Variants in USP40 observed in about 807,000 individuals in gnomAD.
USP40 encodes ubiquitin specific peptidase 40.
USP40 carries 143 observed loss-of-function variants against 166.2 expected under a neutral mutation model. That is an observed-to-expected ratio of 0.86 (90% confidence interval 0.75 to 0.99). The LOEUF (loss-of-function observed/expected upper bound fraction) is 0.99, where lower values mean the gene tolerates loss of function less well. USP40 is among the 50% of genes least tolerant of loss of function. The pLI is 0.00. For missense variants in USP40, 1,444 were observed against 1,479.7 expected (o/e 0.98, Z 0.40); for synonymous variants, 498 against 524.0 (o/e 0.95, Z 0.68).
Position 233,477,378 on chromosome 2 carries a change from G to A in USP40, c.*14C>T, listed in dbSNP as rs763854294. On this transcript the variant is annotated 3_prime_UTR_variant, in exon 32 of 32. Transcript: ENST00000678225. ...CGGAGAGTTCATCGGGAGTAGAGCCGTGCAGCGGCGCGGTTATCTGAAGCT... is the reference window on the plus strand; with the variant it reads ...CGGAGAGTTCATCGGGAGTAGAGCCATGCAGCGGCGCGGTTATCTGAAGCT... 3.0e-5 allele frequency: 48 copies of A among 1,611,316 alleles called. No individual in the cohort carries two copies. The highest frequency in any genetic ancestry group is 2.1e-4 in the South Asian group (19 of 90,946).
chr2:233,524,665 A>G, intron 14 of USP40, 103 bp from the exon 15 acceptor site: 1 of 829,556 alleles, frequency 1.2e-6, no homozygotes, highest in Non-Finnish European at 1.7e-6. Flanking sequence ...TATTTTCACT[A>G]AGGAAAATTT....
intron 14 of USP40, 83 bp downstream of exon 14, chr2:233,525,395 G>T: frequency 1.0e-6 from 1 of 985,876 alleles, no homozygotes; most frequent in Non-Finnish European, 1.6e-6. Context: ...GGGAAGGACT[G>T]ACAAAGAGTA....
intron 10 of USP40, among the ~76,000 whole-genome samples, chr2:233,534,354 T>C (rs4047188): frequency 0.83 from 126,216 of 152,120 alleles, 52,608 homozygotes; most frequent in East Asian, 0.99. Context: ...AGAAAAAAAT[T>C]TCTTTCTCCA....
chr2:233,566,636 A>C (rs571329361), intron 1 of USP40, 48 bp downstream of exon 1: 12 of 965,084 alleles, frequency 1.2e-5, no homozygotes, highest in Non-Finnish European at 1.4e-5. Context: ...CACTGTCCCT[A>C]CGCTTCCCAC....
rs759026881 is a variant in USP40, at chr2:233,533,501, G to A, written c.1449C>T (p.Ser483=). 1.2e-6 allele frequency: 2 copies of A among 1,613,420 alleles called. No individual in the cohort carries two copies. Among genetic ancestry groups the A allele is most frequent in the Admixed American group, 1.7e-5 (1 of 59,982 alleles). Residue 483 remains serine (S), a synonymous_variant, in exon 11 of 32, where the codon TCC becomes TCT. Transcript: ENST00000678225. ...TACCTTCAGGGGGTCTCTGCAACTG[G>A]GATTTCCGATAAAACAACATGTAGG... The part of the protein sequence containing the change: ...ESAYMLFYRK[S]QLQRPPEARA...
At chr2:233,562,917 G>T in intron 2 of USP40, 114 bp from the exon 3 acceptor site, 1 of 722,992 alleles carries the variant, frequency 1.4e-6, no homozygotes, top group Non-Finnish European at 2.1e-6. Flanking sequence ...AAATATGATT[G>T]TGGCAATATT....
At chr2:233,502,273 C>T (rs929254643) in intron 21 of USP40, among the ~76,000 whole-genome samples, 1 of 152,052 alleles carries the variant, frequency 6.6e-6, no homozygotes, top group Non-Finnish European at 1.5e-5. Context: ...GGGAAAATAC[C>T]TGCAGAAAAT....
At chr2:233,521,568 CAT>C (rs1448511289) in intron 16 of USP40, among the ~76,000 whole-genome samples, 1 of 152,208 alleles carries the variant, frequency 6.6e-6, no homozygotes, top group African/African-American at 2.4e-5. Flanking sequence ...TGCATTTCTA[CAT>C]AGAGTTTTGT....
At chr2:233,546,797 G>C (rs183338207) in intron 8 of USP40, 1 of 152,300 alleles carries the variant, frequency 6.6e-6, no homozygotes, top group East Asian at 1.9e-4. Context: ...GGCGGAGTGA[G>C]AAGGCCACTT....
chr2:233,507,155 T>A (rs1097930), intron 21 of USP40, among the ~76,000 whole-genome samples: 5 of 151,840 alleles, frequency 3.3e-5, no homozygotes, highest in Non-Finnish European at 7.4e-5. Context: ...TGGCTACTAT[T>A]AAAAAAACAA....
At chr2:233,481,719 T>G (rs2064606760) in intron 30 of USP40, 1 of 161,260 alleles carries the variant, frequency 6.2e-6, no homozygotes, top group Non-Finnish European at 1.3e-5. Flanking sequence ...CCCCAGCTTC[T>G]GAGAGGCATG....
chr2:233,549,696 TTGTCATG>T (rs1472663705), intron 7 of USP40, among the ~76,000 whole-genome samples: 1 of 152,080 alleles, frequency 6.6e-6, no homozygotes, highest in Non-Finnish European at 1.5e-5. Context: ...TTCAACTAGG[TTGTCATG>T]TGCCTCAAAG....
chr2:233,478,602 T>C (rs1305588902), intron 31 of USP40, among the ~76,000 whole-genome samples: 2 of 152,238 alleles, frequency 1.3e-5, no homozygotes, highest in African/African-American at 4.8e-5. Flanking sequence ...CCTACAGATA[T>C]ATCCACATCT....
chr2:233,485,520 A>T lies in USP40; in HGVS notation c.3504+11T>A, dbSNP rs371704970. 7.5e-6 allele frequency: 12 copies of T among 1,608,986 alleles called. No homozygotes were observed. Among genetic ancestry groups the T allele is most frequent in the Middle Eastern group, 1.6e-4 (1 of 6,066 alleles). ...TTCTCAAAGTGGTAAATTTGCTGTT[A>T]AACAACTTACCTTAACACCAATAGT... On this transcript the variant is annotated intron_variant, in intron 30 of 31. Transcript: ENST00000678225.
intron 11 of USP40, among the ~76,000 whole-genome samples, chr2:233,532,575 C>A (rs2068626623): frequency 6.6e-6 from 1 of 152,312 alleles, no homozygotes; most frequent in East Asian, 1.9e-4. Flanking sequence ...CCATACATCT[C>A]TGCTTTTGGT....
At position 233,554,386 on chromosome 2, in the gene USP40, T is replaced by C. The variant is rs1441098763; in HGVS notation, c.687A>G (p.Ala229=). The C allele has an allele frequency of 1.9e-6, 3 of 1,609,898 alleles. No individual in the cohort carries two copies. Among genetic ancestry groups the C allele is most frequent in the Non-Finnish European group, 2.5e-6 (3 of 1,178,594 alleles). ...HCGTCDRLVK[A]AKSAKLRKLP... ...AGCAGTTATCTGTCTTTACCTTTGC[T>C]GCTTTAACCAGCCTGTCACAAGTTC... Residue 229 remains alanine, a synonymous_variant, in exon 6 of 32, where the codon GCA becomes GCG. Transcript: ENST00000678225.
chr2:233,490,883 T>C (rs2065290329), intron 26 of USP40: 6 of 508,104 alleles, frequency 1.2e-5, no homozygotes, highest in South Asian at 9.4e-5. Context: ...CAAGAAACCA[T>C]GTTTCCCTAA....
chr2:233,497,588 C>G (rs952551691), intron 23 of USP40, among the ~76,000 whole-genome samples: 2 of 152,162 alleles, frequency 1.3e-5, no homozygotes, highest in East Asian at 1.9e-4. Flanking sequence ...AGATACCTGG[C>G]AAGGCTGGAA....
chr2:233,560,638 A>C (rs2071496224), intron 3 of USP40: 1 of 191,700 alleles, frequency 5.2e-6, no homozygotes, highest in Non-Finnish European at 1.1e-5. Flanking sequence ...TAAGAAGTAC[A>C]AATTTGAGCC....
Sources: allele counts gnomAD v4.1 joint callset (sites outside exome capture counted in the v4.1 genomes callset), GRCh38; gene constraint gnomAD v4.1.1; transcripts MANE v1.5; gene names NCBI Gene and HGNC (gene_info 2026-07-23, HGNC 2026-07-21).